PCDHGB1: variants seen among roughly 807,000 people sequenced by gnomAD.
PCDHGB1 encodes the protein protocadherin gamma subfamily B, 1.
Under a neutral mutation model 56.6 loss-of-function variants are expected in PCDHGB1, and 34 were observed. The ratio of observed to expected loss-of-function variants is 0.60; its 90% confidence interval spans 0.46 to 0.80. PCDHGB1 has a LOEUF of 0.80. PCDHGB1 is among the 30% of genes least tolerant of loss of function. The pLI is 0.00. For missense variants in PCDHGB1, 1,278 were observed against 1,204.6 expected (o/e 1.06, Z -0.90); for synonymous variants, 561 against 505.9 (o/e 1.11, Z -1.46).
At chr5:141,454,796 A>ATTTTTTTTTTTTTTTTTTTTTTTT (rs61612330) in intron 1 of PCDHGB1, among the ~76,000 whole-genome samples, 4 of 77,456 alleles carry the variant, frequency 5.2e-5, no homozygotes, top group Non-Finnish European at 9.3e-5. Flanking sequence ...CATGGTTCTA[A>ATTTTTTTTTTTTTTTTTTTTTTTT]TTTTTTTTTT....
rs900182018 is a variant in PCDHGB1, at chr5:141,350,157, G to A, written c.-104G>A. The A allele has an allele frequency of 9.8e-7, 1 of 1,016,996 alleles. No homozygotes were observed. Among genetic ancestry groups the A allele is most frequent in the African/African-American group, 1.6e-5 (1 of 61,690 alleles). The allele number at this position is 1,016,996 out of a possible 1,614,324, so 63.0% of individuals were successfully genotyped here. A position where few individuals can be genotyped will look rare whatever the true frequency, so the allele number is the denominator to read the frequency against. Reference sequence around the variant, plus strand: ...ACGCTGCTCCTGTTCACCCTCGAGCGCCTAACTAATAAGTCCTAAGCTCAA... The same window carrying A: ...ACGCTGCTCCTGTTCACCCTCGAGCACCTAACTAATAAGTCCTAAGCTCAA... On this transcript the variant is annotated 5_prime_UTR_variant, in exon 1 of 4. Transcript: ENST00000523390.
chr5:141,497,211 G>T (rs914346878), intron 2 of PCDHGB1, among the ~76,000 whole-genome samples: 12 of 28,538 alleles, frequency 4.2e-4, no homozygotes, highest in African/African-American at 1.1e-3. Context: ...GAGTGTAATG[G>T]GGGGGGGAAG....
chr5:141,372,639 C>A (rs760209074), intron 1 of PCDHGB1: 1 of 1,613,842 alleles, frequency 6.2e-7, no homozygotes, highest in Non-Finnish European at 8.5e-7. Flanking sequence ...AAGGACTTTG[C>A]CTTATTCCTA....
At position 141,490,840 on chromosome 5, in the gene PCDHGB1, G is replaced by C. The variant is rs1177428192; in HGVS notation, c.2410-3967G>C. On this transcript the variant is annotated intron_variant, in intron 1 of 3. Transcript: ENST00000523390. This position sits in a 1 kb window ranked among gnomAD's most constrained non-coding sequence, Gnocchi z 5.4. Reference sequence around the variant, plus strand: ...ATTGCTGCAGATGCTGCAGATTGTGGTGGGGGTTCGAGACTCCGGCTCTCC... The same window carrying C: ...ATTGCTGCAGATGCTGCAGATTGTGCTGGGGGTTCGAGACTCCGGCTCTCC... 2 of 1,613,900 alleles carry C rather than the reference G, an allele frequency of 1.2e-6. No homozygotes were observed. Among genetic ancestry groups the C allele is most frequent in the Middle Eastern group, 3.3e-4 (2 of 6,058 alleles).
intron 1 of PCDHGB1, chr5:141,393,596 G>T (rs775299518): frequency 1.2e-6 from 2 of 1,613,900 alleles, no homozygotes; most frequent in Non-Finnish European, 8.5e-7. Context: ...GCACGCGGCT[G>T]CTTACTGTAA....
intron 1 of PCDHGB1, chr5:141,427,320 G>GT: frequency 2.2e-6 from 1 of 457,086 alleles, no homozygotes; most frequent in Non-Finnish European, 4.4e-6. Context: ...CCCAGACGTG[G>GT]TTTTTACTTC....
chr5:141,354,903 T>G, intron 1 of PCDHGB1: 1 of 399,854 alleles, frequency 2.5e-6, no homozygotes, highest in Non-Finnish European at 4.4e-6. Context: ...GAAATAGGAA[T>G]AGAAAAGTGT....
In PCDHGB1 at chr5:141,511,188, C is replaced by A; in HGVS notation, c.*15C>A. 1 of 1,613,804 alleles carries A rather than the reference C, an allele frequency of 6.2e-7. No homozygotes were observed. ...AGAAGAAGTAACATGGAGGCCAGGC[C>A]AAGAGCCACAGGGCGGCCTCTCCCC... On this transcript the variant is annotated 3_prime_UTR_variant, in exon 4 of 4. Transcript: ENST00000523390.
intron 1 of PCDHGB1, chr5:141,399,393 C>A: frequency 6.2e-7 from 1 of 1,613,976 alleles, no homozygotes; most frequent in Non-Finnish European, 8.5e-7. Flanking sequence ...CAGCCACAGA[C>A]AGGGGCAAGC....
chr5:141,450,893 C>T (rs1306212499), intron 1 of PCDHGB1, among the ~76,000 whole-genome samples: 3 of 149,144 alleles, frequency 2.0e-5, no homozygotes, highest in East Asian at 2.0e-4. Flanking sequence ...GGTGCGATAT[C>T]GGCTCACTGC....
chr5:141,456,139 C>T (rs999574407), intron 1 of PCDHGB1, among the ~76,000 whole-genome samples: 20 of 152,010 alleles, frequency 1.3e-4, no homozygotes, highest in Admixed American at 9.8e-4. Context: ...CCTCCTGATC[C>T]GCCCGCCTCG....
rs774354457 is a variant in PCDHGB1 at position 141,409,462 on chromosome 5, CA to C, written c.2409+56794del. 8.1e-6 allele frequency: 13 copies of C among 1,613,870 alleles called. No individual in the cohort carries two copies. The East Asian group carries it at 2.9e-4, about 36-fold the overall frequency. On this transcript the variant is annotated intron_variant, in intron 1 of 3. Coordinates refer to ENST00000523390, the MANE Select transcript of PCDHGB1 (RefSeq NM_018922.3). ...GAGAGCAGACACCAGAATACAATGT[CA>C]CCATCGTAGCCACTGACAGGGGCAA... is the stretch of plus-strand genomic sequence containing the variant.
intron 1 of PCDHGB1, among the ~76,000 whole-genome samples, chr5:141,463,736 G>A (rs757788192): frequency 1.3e-5 from 2 of 151,992 alleles, no homozygotes; most frequent in East Asian, 3.9e-4. Flanking sequence ...ATGAGCCACC[G>A]CGCCCGGCCT....
At chr5:141,422,683 G>A in intron 1 of PCDHGB1, 1 of 1,605,286 alleles carries the variant, frequency 6.2e-7, no homozygotes, top group Non-Finnish European at 8.5e-7. Flanking sequence ...CAAACAGAAT[G>A]CCCTGGTCAC....
Position 141,366,924 on chromosome 5 carries a change from G to C in PCDHGB1, c.2409+14255G>C, listed in dbSNP as rs1764867617. On this transcript the variant is annotated intron_variant, in intron 1 of 3. Coordinates refer to ENST00000523390, the MANE Select transcript of PCDHGB1 (RefSeq NM_018922.3). ...CTTTCTCCATTTGTTTTCAAATTCT[G>C]TTTTGGGAAGTCTAGCTGATATCTG... is the stretch of plus-strand genomic sequence containing the variant. 5 of 997,638 alleles carry C rather than the reference G, an allele frequency of 5.0e-6. No homozygotes were observed. In the East Asian group the frequency reaches 1.3e-4, roughly 27 times the overall value. 61.8% of individuals were successfully genotyped at this position (997,638 alleles called of 1,614,324 possible).
In PCDHGB1 at chr5:141,374,282, G is replaced by A. The variant is rs753347582; in HGVS notation, c.2409+21613G>A. 7 of 1,613,854 alleles carry A rather than the reference G, an allele frequency of 4.3e-6. No individual in the cohort carries two copies. In the East Asian group the frequency reaches 8.9e-5, roughly 21 times the overall value. On this transcript the variant is annotated intron_variant, in intron 1 of 3. Transcript: ENST00000523390. ...GTTGGCGGAGCACGGAGTCCGCATC[G>A]TCTCCAGAGGTAGGATGCAGCTTTT...
intron 1 of PCDHGB1, among the ~76,000 whole-genome samples, chr5:141,492,760 C>T (rs991820569): frequency 1.3e-5 from 2 of 152,212 alleles, no homozygotes; most frequent in Admixed American, 1.3e-4. Context: ...CAGGGCTCCG[C>T]GTTGGGCGAG....
chr5:141,417,550 A>G, intron 1 of PCDHGB1: 1 of 326,094 alleles, frequency 3.1e-6, no homozygotes, highest in Non-Finnish European at 5.5e-6. Flanking sequence ...ATTCCTTGAA[A>G]GAGGTAGAGA....
At chr5:141,423,841 T>A (rs1413277726) in intron 1 of PCDHGB1, 15 of 1,282,014 alleles carry the variant, frequency 1.2e-5, no homozygotes, top group Non-Finnish European at 1.4e-5. Context: ...ATTACGATAA[T>A]CTTTCAGAAC....
Sources: gnomAD v4.1 joint callset for allele counts (sites outside exome capture counted in the v4.1 genomes callset) on GRCh38, gnomAD v4.1.1 for gene constraint, Gnocchi (gnomAD v3.1) non-coding constraint, MANE v1.5 for transcripts, NCBI Gene and HGNC (gene_info 2026-07-23, HGNC 2026-07-21) for gene names.